PHF14: variants seen among roughly 807,000 people sequenced by gnomAD.
The protein encoded by PHF14 is PHD finger protein 14.
PHF14 carries 55 observed loss-of-function variants against 117.9 expected under a neutral mutation model. The observed-to-expected ratio is 0.47, with a 90% CI of 0.38 to 0.58. PHF14 has a LOEUF of 0.58. PHF14 is among the 20% of genes least tolerant of loss of function. The probability of loss-of-function intolerance (pLI) is 0.00; values close to 1 mark genes in which losing one functional copy is unlikely to be tolerated. For synonymous variants in PHF14, 409 were observed against 368.6 expected (o/e 1.11, Z -1.26); for missense variants, 978 against 1,122.2 (o/e 0.87, Z 1.84).
Position 11,036,553 on chromosome 7 carries a change from A to T in PHF14, c.1738A>T (p.Met580Leu), listed in dbSNP as rs753884780. 6.2e-7 allele frequency: 1 copy of T among 1,614,010 alleles called. No individual in the cohort carries two copies. The highest frequency in any genetic ancestry group is 8.5e-7 in the Non-Finnish European group (1 of 1,179,878). Residue 580 changes from methionine (M) to leucine (L), a missense_variant, in exon 9 of 18, where the codon ATG becomes TTG. Transcript: ENST00000634607. ...TSSASAIRKL[M>L]RKAELMGIST... is the part of the protein sequence containing the mutation. ...CAGTGCTTCAGCTATTCGTAAACTTATGCGGAAAGCAGAACTCATGGGGAT... is the reference window on the plus strand; with the variant it reads ...CAGTGCTTCAGCTATTCGTAAACTTTTGCGGAAAGCAGAACTCATGGGGAT...
At chr7:11,009,578 GAGAA>G (rs1783264807) in intron 4 of PHF14, among the ~76,000 whole-genome samples, 1 of 152,164 alleles carries the variant, frequency 6.6e-6, no homozygotes. Flanking sequence ...ATATGGAAGA[GAGAA>G]AGATTTTAGA....
At chr7:11,075,555 A>G (rs913348823) in intron 16 of PHF14, among the ~76,000 whole-genome samples, 19 of 142,846 alleles carry the variant, frequency 1.3e-4, no homozygotes, top group Admixed American at 1.2e-3. Context: ...TCCCATGGGA[A>G]GGAAAGAGGT....
intron 10 of PHF14, 71 bp downstream of exon 10, chr7:11,037,162 C>T: frequency 7.5e-7 from 1 of 1,338,640 alleles, no homozygotes; most frequent in Non-Finnish European, 1.0e-6. Flanking sequence ...GAATGTATGG[C>T]ATTTCTTTTA....
At chr7:11,075,362 G>A (rs902823517) in intron 16 of PHF14, among the ~76,000 whole-genome samples, 3 of 152,098 alleles carry the variant, frequency 2.0e-5, no homozygotes, top group South Asian at 4.1e-4. Flanking sequence ...TTTGGCCCAC[G>A]GATCTGCCGG....
chr7:10,994,983 A>T (rs4521663), intron 4 of PHF14, among the ~76,000 whole-genome samples: 29,598 of 152,074 alleles, frequency 0.19, 4,491 homozygotes, highest in African/African-American at 0.43. Flanking sequence ...TCCTGCTGAT[A>T]GGTCCATTTT....
Position 11,036,522 on chromosome 7 carries a change from C to CA in PHF14, c.1708dup (p.Thr570AsnfsTer9). 6.2e-7 allele frequency: 1 copy of CA among 1,613,964 alleles called. No homozygotes were observed. Among genetic ancestry groups the CA allele is most frequent in the South Asian group, 1.1e-5 (1 of 91,082 alleles). Reference sequence around the variant, plus strand: ...CAAGGGAAAAATTGCCCAGACCACTCACCAGCAGTGCTTCAGCTATTCGTA... The same window carrying CA: ...CAAGGGAAAAATTGCCCAGACCACTCAACCAGCAGTGCTTCAGCTATTCGTA... On this transcript the variant is annotated frameshift_variant, in exon 9 of 18. Transcript: ENST00000634607. LOFTEE classifies it high-confidence loss of function.
At chr7:10,978,004 A>G (rs1224959521) in intron 2 of PHF14, among the ~76,000 whole-genome samples, 2 of 152,208 alleles carry the variant, frequency 1.3e-5, no homozygotes, top group Non-Finnish European at 2.9e-5. Context: ...AACCAGACAG[A>G]TTAGCCATGC....
At chr7:11,088,346 A>G (rs1454161639) in intron 16 of PHF14, among the ~76,000 whole-genome samples, 1 of 152,096 alleles carries the variant, frequency 6.6e-6, no homozygotes, top group Non-Finnish European at 1.5e-5. Context: ...ACCTGCAGAT[A>G]TGGAGGGCAG....
chr7:11,072,052 T>A (rs1562451032), intron 16 of PHF14, among the ~76,000 whole-genome samples: 1 of 152,174 alleles, frequency 6.6e-6, no homozygotes, highest in Admixed American at 6.5e-5. Flanking sequence ...CATTCTTGCA[T>A]AGCTGTAAAG....
chr7:11,006,123 T>C (rs1400583137), intron 4 of PHF14, among the ~76,000 whole-genome samples: 1 of 152,176 alleles, frequency 6.6e-6, no homozygotes, highest in Non-Finnish European at 1.5e-5. Flanking sequence ...CTAAAAACCA[T>C]TTCCAGATTG....
rs1291236676 is a variant in PHF14 at position 11,005,617 on chromosome 7, G to T, written c.1046-8130G>T. ...CTGTTAATTCTGTAATTCTTCTCAT[G>T]TCAGTGTATGTGGGATATTTCATTC... On this transcript the variant is annotated intron_variant, in intron 4 of 17. Transcript: ENST00000634607. Among the ~76,000 whole-genome samples, 3 of 152,132 alleles carry T rather than the reference G, an allele frequency of 2.0e-5. No homozygotes were observed. In the South Asian group the frequency reaches 6.2e-4, roughly 32 times the overall value.
intron 4 of PHF14, among the ~76,000 whole-genome samples, chr7:10,994,343 GCAGGAGAATGGCTTGAACC>G (rs761668930): frequency 1.1e-3 from 173 of 152,316 alleles, no homozygotes; most frequent in Non-Finnish European, 1.9e-3. Flanking sequence ...GGAGTCTGAG[GCAGGAGAATGGCTTGAACC>G]CAGGAGGCAG....
chr7:11,049,518 A>G (rs1488968185), intron 13 of PHF14, among the ~76,000 whole-genome samples: 1 of 151,960 alleles, frequency 6.6e-6, no homozygotes, highest in Non-Finnish European at 1.5e-5. Flanking sequence ...TGTTTGAGAA[A>G]CTGACTACAT....
intron 7 of PHF14, among the ~76,000 whole-genome samples, chr7:11,034,679 G>A (rs893118801): frequency 6.7e-6 from 1 of 150,356 alleles, no homozygotes; most frequent in African/African-American, 2.4e-5. Context: ...CTCCTGAGTA[G>A]CTGGGATTAC....
Position 11,062,077 on chromosome 7 carries a change from T to C in PHF14, c.2646T>C (p.Asn882=), listed in dbSNP as rs1461901137. Residue 882 remains asparagine, a synonymous_variant, in exon 16 of 18, where the codon AAT becomes AAC. Transcript: ENST00000634607. ...GCAAGGGAACTGGAGACAATGAAAA[T>C]CTTGTCAGGTAAGTTGGATGCTAAA... The part of the protein sequence containing the change: ...ATCKGTGDNE[N]LVRCDECRLC... 1 of 1,606,906 alleles carries C rather than the reference T, an allele frequency of 6.2e-7. No individual in the cohort carries two copies. The highest frequency in any genetic ancestry group is 1.7e-5 in the Admixed American group (1 of 59,282).
chr7:11,026,446 T>C (rs997644520), intron 6 of PHF14, among the ~76,000 whole-genome samples: 4 of 152,200 alleles, frequency 2.6e-5, no homozygotes, highest in African/African-American at 9.6e-5. Context: ...GGAGCTGAAC[T>C]TGGGTTATCT....
intron 17 of PHF14, among the ~76,000 whole-genome samples, chr7:11,114,607 A>T (rs1787544399): frequency 6.6e-6 from 1 of 152,124 alleles, no homozygotes; most frequent in African/African-American, 2.4e-5. Context: ...TTATACCCAT[A>T]CCCATGAAGT....
At chr7:11,047,261 G>C (rs961782308) in intron 13 of PHF14, among the ~76,000 whole-genome samples, 107 of 151,702 alleles carry the variant, frequency 7.1e-4, no homozygotes, top group Non-Finnish European at 1.2e-3. Context: ...GTAGAGATGG[G>C]GTTTCACCGT....
At chr7:11,080,327 A>G (rs1786046106) in intron 16 of PHF14, among the ~76,000 whole-genome samples, 1 of 152,160 alleles carries the variant, frequency 6.6e-6, no homozygotes, top group African/African-American at 2.4e-5. Flanking sequence ...ATCTCACTTT[A>G]AAAAATGTAT....
Sources: allele counts gnomAD v4.1 joint callset (sites outside exome capture counted in the v4.1 genomes callset), GRCh38; gene constraint gnomAD v4.1.1; transcripts MANE v1.5; gene names NCBI Gene and HGNC (gene_info 2026-07-23, HGNC 2026-07-21).